The following RNF170 variants were observed in gnomAD, a reference collection of about 807,000 sequenced individuals.
The protein encoded by RNF170 is E3 ubiquitin-protein ligase RNF170.
A neutral mutation model predicts 32.7 loss-of-function variants in RNF170; 12 were observed. The observed-to-expected ratio is 0.37, with a 90% CI of 0.24 to 0.60. The LOEUF is 0.60. Ranked by LOEUF, RNF170 falls within the 20% of genes least tolerant of loss-of-function variation. The pLI is 0.72. For synonymous variants in RNF170, 91 were observed against 103.6 expected, an observed-to-expected ratio of 0.88 and a Z score of 0.74; for missense variants, 212 against 311.2, an observed-to-expected ratio of 0.68 and a Z score of 2.40.
downstream of RNF170, chr8:42,849,743 G>A (rs1281115735): frequency 1.3e-5 from 2 of 152,192 alleles, no homozygotes; most frequent in Non-Finnish European, 1.5e-5. Flanking sequence ...GGATAACATT[G>A]TGAACTGAGA....
At chr8:42,895,335 A>G (rs930714634) in intron 1 of RNF170, among the ~76,000 whole-genome samples, 1 of 151,558 alleles carries the variant, frequency 6.6e-6, no homozygotes, top group African/African-American at 2.4e-5. Flanking sequence ...AAAAAACCCC[A>G]CTCAATGCTG....
At position 42,865,486 on chromosome 8, in the gene RNF170, G is replaced by T; in HGVS notation, c.326C>A (p.Ala109Asp). 1.2e-6 allele frequency: 2 copies of T among 1,612,036 alleles called. No homozygotes were observed. The highest frequency in any genetic ancestry group is 1.7e-5 in the Admixed American group (1 of 59,998). Reference sequence around the variant, plus strand: ...ATATCGCCAGTAAGCAATAATGCAGGCACCTAATAGACAAAACAAAACAAA... The same window carrying T: ...ATATCGCCAGTAAGCAATAATGCAGTCACCTAATAGACAAAACAAAACAAA... ...ETNCGHLFCG[A>D]CIIAYWRYGS... Residue 109 changes from alanine to aspartate, a missense_variant, in exon 5 of 7, where the codon GCC becomes GAC. Coordinates refer to ENST00000527424, the MANE Select transcript of RNF170 (RefSeq NM_030954.4).
chr8:42,853,561 A>G lies in RNF170; in HGVS notation c.*2598T>C, dbSNP rs1178674631. The stretch of plus-strand genomic sequence containing the variant: ...TCCCCACAGAGCTGCCCAAGTTATT[A>G]TCTGCTCCTGGGGTTGGACCATCTG... On this transcript the variant is annotated 3_prime_UTR_variant, in exon 7 of 7. Coordinates refer to ENST00000527424, the MANE Select transcript of RNF170 (RefSeq NM_030954.4). 7.8e-7 allele frequency: 1 copy of G among 1,287,170 alleles called. No individual in the cohort carries two copies. Among genetic ancestry groups the G allele is most frequent in the Non-Finnish European group, 1.0e-6 (1 of 988,664 alleles). 79.7% of individuals were successfully genotyped at this position (1,287,170 alleles called of 1,614,324 possible).
chr8:42,867,566 G>A (rs1227449588), intron 4 of RNF170, among the ~76,000 whole-genome samples: 4 of 150,930 alleles, frequency 2.7e-5, no homozygotes, highest in African/African-American at 7.3e-5. Context: ...ACGAGGTCAG[G>A]AGATCAAGAC....
Position 42,887,753 on chromosome 8 carries a change from C to A in RNF170, c.112G>T (p.Ala38Ser). The A allele has an allele frequency of 6.2e-7, 1 of 1,614,082 alleles. No homozygotes were observed. Among genetic ancestry groups the A allele is most frequent in the Non-Finnish European group, 8.5e-7 (1 of 1,179,968 alleles). Residue 38 changes from alanine (A) to serine (S), a missense_variant, in exon 2 of 7, where the codon GCT becomes TCT. Coordinates refer to ENST00000527424, the MANE Select transcript of RNF170 (RefSeq NM_030954.4). ...VAVVVSFALI[A>S]TLVYALFRNV... ...CTGAAAAGTGCATATACCAGGGTAG[C>A]AATCAAAGCGAAACTGACCACAACT...
chr8:42,869,785 G>T (rs1158325199), intron 4 of RNF170, among the ~76,000 whole-genome samples: 1 of 152,208 alleles, frequency 6.6e-6, no homozygotes, highest in Non-Finnish European at 1.5e-5. Flanking sequence ...TGAACCCATA[G>T]CTGCTACATG....
At chr8:42,888,202 A>C (rs1228932859) in intron 1 of RNF170, among the ~76,000 whole-genome samples, 1 of 151,884 alleles carries the variant, frequency 6.6e-6, no homozygotes, top group East Asian at 2.0e-4. Context: ...AGTAGCTGGG[A>C]CTACAGGCGC....
At chr8:42,887,618 A>G (rs2128952523) in intron 2 of RNF170, 110 bp downstream of exon 2, 13 of 1,002,870 alleles carry the variant, frequency 1.3e-5, no homozygotes, top group Admixed American at 1.0e-4. Context: ...AACATCTACA[A>G]TCACTGAGAT....
chr8:42,872,361 C>T (rs574891165), intron 3 of RNF170, among the ~76,000 whole-genome samples: 9 of 152,172 alleles, frequency 5.9e-5, no homozygotes, highest in Non-Finnish European at 1.2e-4. Context: ...TTTGGGAAAT[C>T]ACTTTGTAAA....
intron 1 of RNF170, 26 bp downstream of exon 1, chr8:42,896,458 G>A (rs1806893206): frequency 2.2e-6 from 1 of 453,736 alleles, no homozygotes; most frequent in Non-Finnish European, 4.4e-6. Flanking sequence ...GATAGGGTGG[G>A]CGTGGCCGCC....
chr8:42,863,980 A>AGAGTGT lies in RNF170; in HGVS notation c.396+1435_396+1436insACACTC, dbSNP rs149654513. Among the ~76,000 whole-genome samples the AGAGTGT allele has an allele frequency of 9.9e-3, 1,375 of 139,530 alleles. 14 individuals carry two copies. Among genetic ancestry groups the AGAGTGT allele is most frequent in the African/African-American group, 0.021 (784 of 37,056 alleles). 91.5% of individuals were successfully genotyped at this position (139,530 alleles called of 152,430 possible). On this transcript the variant is annotated intron_variant, in intron 5 of 6. Coordinates refer to ENST00000527424, the MANE Select transcript of RNF170 (RefSeq NM_030954.4). ...AAGGCTGAAGGAGAGAGAGAGAGAG[A>AGAGTGT]GTGTGTGTGTGTGTGTGTGTGTGTG...
downstream of RNF170, chr8:42,850,592 T>A: frequency 1.5e-6 from 1 of 666,560 alleles, no homozygotes; most frequent in South Asian, 1.9e-5. Flanking sequence ...TGGACAAAAC[T>A]AACATTGTCT....
In RNF170 at chr8:42,854,546, A is replaced by T. The variant is rs1284697600; in HGVS notation, c.*1613T>A. ...AGCATTATTGTTTTTCTCTATGACA[A>T]GCAACAGCTCTGTCCTAGGTCCAAA... On this transcript the variant is annotated 3_prime_UTR_variant, in exon 7 of 7. Coordinates refer to ENST00000527424, the MANE Select transcript of RNF170 (RefSeq NM_030954.4). 6 of 1,287,106 alleles carry T rather than the reference A, an allele frequency of 4.7e-6. No homozygotes were observed. The highest frequency in any genetic ancestry group is 6.1e-6 in the Non-Finnish European group (6 of 988,566). The allele number at this position is 1,287,106 out of a possible 1,614,324, so 79.7% of individuals were successfully genotyped here.
intron 6 of RNF170, among the ~76,000 whole-genome samples, chr8:42,858,935 C>A (rs1471517032): frequency 6.6e-6 from 1 of 152,214 alleles, no homozygotes; most frequent in Non-Finnish European, 1.5e-5. Flanking sequence ...GTAATCCCAC[C>A]ACTTTGGGAG....
At chr8:42,861,126 T>C (rs1176526274) in intron 6 of RNF170, among the ~76,000 whole-genome samples, 1 of 152,220 alleles carries the variant, frequency 6.6e-6, no homozygotes, top group African/African-American at 2.4e-5. Context: ...AAAAGACAAA[T>C]GGTGTTTTAG....
At chr8:42,874,059 C>A in intron 2 of RNF170, 53 bp from the exon 3 acceptor site, 1 of 1,037,168 alleles carries the variant, frequency 9.6e-7, no homozygotes, top group South Asian at 1.3e-5. Flanking sequence ...CATATGAATC[C>A]ATTTTCTTCA....
At chr8:42,856,464 C>A (rs1199545016) in intron 6 of RNF170, 36 bp from the exon 7 acceptor site, 2 of 1,408,130 alleles carry the variant, frequency 1.4e-6, no homozygotes, top group East Asian at 2.3e-5. Flanking sequence ...TGATTCAGCA[C>A]CTAATGTGTC....
chr8:42,867,775 C>CAAAAAAAAAAAAAAAAAAAA (rs1054907767), intron 4 of RNF170, among the ~76,000 whole-genome samples: 65 of 24,684 alleles, frequency 2.6e-3, no homozygotes, highest in Non-Finnish European at 3.6e-3. Flanking sequence ...GACTCCATCT[C>CAAAAAAAAAAAAAAAAAAAA]AAAAAAAAAA....
intron 1 of RNF170, among the ~76,000 whole-genome samples, chr8:42,890,201 G>A (rs1047492142): frequency 6.7e-6 from 1 of 149,172 alleles, no homozygotes; most frequent in African/African-American, 2.5e-5. Flanking sequence ...AAATTATACT[G>A]TACAACATAT....
Sources: allele counts gnomAD v4.1 joint callset (sites outside exome capture counted in the v4.1 genomes callset), GRCh38; gene constraint gnomAD v4.1.1; transcripts MANE v1.5; gene names NCBI Gene and HGNC (gene_info 2026-07-23, HGNC 2026-07-21).